HNRNPH1: variants seen among roughly 807,000 people sequenced by gnomAD.
The protein encoded by HNRNPH1 is heterogeneous nuclear ribonucleoprotein H1, also known as heterogeneous nuclear ribonucleoprotein H.
In HNRNPH1, 4 loss-of-function variants were observed where a neutral mutation model predicts 58.6. That is an observed-to-expected ratio of 0.07 (90% CI 0.03 to 0.16). The LOEUF is 0.16. Ranked by LOEUF, HNRNPH1 falls within the 10% of genes least tolerant of loss-of-function variation. HNRNPH1 has a pLI of 1.00. For missense variants in HNRNPH1, 271 were observed against 564.2 expected (o/e 0.48, Z 5.26); for synonymous variants, 192 against 189.2 (o/e 1.01, Z -0.12).
rs566219521 is a variant in HNRNPH1 at position 179,622,192 on chromosome 5, A to T, written c.98-795T>A. Among the ~76,000 whole-genome samples the T allele has an allele frequency of 2.6e-5, 4 of 152,242 alleles. No individual in the cohort carries two copies. The South Asian group carries it at 8.3e-4, about 32-fold the overall frequency. On this transcript the variant is annotated intron_variant, in intron 1 of 12. Coordinates refer to ENST00000356731, the Ensembl canonical transcript of HNRNPH1. ...TATAGTGAGCCAGATTAAGAACTAG[A>T]TAAGAAAACACTCTTCAATTATCAA...
chr5:179,628,691 G>A (rs59226042), upstream of HNRNPH1, among the ~76,000 whole-genome samples: 1,696 of 152,222 alleles, frequency 0.011, 36 homozygotes, highest in African/African-American at 0.037. Context: ...TGTACTCCTA[G>A]CTCTCTGGGA....
upstream of HNRNPH1, among the ~76,000 whole-genome samples, chr5:179,626,882 TCTC>T (rs1774450040): frequency 6.6e-6 from 1 of 150,608 alleles, no homozygotes; most frequent in South Asian, 2.1e-4. Flanking sequence ...TTCACACCAT[TCTC>T]CTGCCTCAGC....
intron 1 of HNRNPH1, chr5:179,621,966 C>T: frequency 2.2e-6 from 1 of 456,308 alleles, no homozygotes; most frequent in Non-Finnish European, 4.4e-6. Flanking sequence ...GGTCGCTTTC[C>T]GTTACCAACG....
chr5:179,615,319 G>A, intron 12 of HNRNPH1: 1 of 472,470 alleles, frequency 2.1e-6, no homozygotes. Context: ...TTCACAATGT[G>A]TCCCTCGAAT....
chr5:179,619,604 A>T (rs552067275), intron 3 of HNRNPH1, 197 bp from the exon 5 acceptor site: 3 of 476,978 alleles, frequency 6.3e-6, no homozygotes, highest in African/African-American at 1.9e-5. Context: ...TTCTTAACAC[A>T]CCCATGGTAC....
At chr5:179,623,110 T>C in exon 1 of HNRNPH1, 1 of 1,607,636 alleles carries the variant, frequency 6.2e-7, no homozygotes, top group Non-Finnish European at 8.5e-7. Context: ...CGAATCCCTC[T>C]CCACCTTCCG....
At chr5:179,621,858 T>C (rs1030983551) in intron 1 of HNRNPH1, 3 of 449,228 alleles carry the variant, frequency 6.7e-6, no homozygotes, top group Middle Eastern at 3.3e-4. Context: ...AGGGGATCAG[T>C]GTTACCAAGC....
intron 10 of HNRNPH1, chr5:179,616,432 C>T (rs768150191): frequency 1.7e-6 from 1 of 578,266 alleles, no homozygotes; most frequent in African/African-American, 1.9e-5. Context: ...TAACGGTACA[C>T]ACATCAGCAG....
At chr5:179,624,481 C>A (rs775627363) in exon 1 of HNRNPH1, 4 of 398,604 alleles carry the variant, frequency 1.0e-5, no homozygotes, top group Non-Finnish European at 1.8e-5. Context: ...GAGGAGGGAT[C>A]GCGAGCGCGG....
intron 10 of HNRNPH1, chr5:179,616,592 T>C (rs2127614037): frequency 3.9e-6 from 2 of 518,530 alleles, no homozygotes; most frequent in Non-Finnish European, 3.4e-6. Flanking sequence ...TAATCCTGTT[T>C]TGCTATTGAT....
At chr5:179,632,084 A>G (rs1027277787) in intron 2 of HNRNPH1, among the ~76,000 whole-genome samples, 1 of 151,602 alleles carries the variant, frequency 6.6e-6, no homozygotes, top group Non-Finnish European at 1.5e-5. Context: ...AGGCGGGCGG[A>G]TCACGAGGTC....
At chr5:179,624,312 C>T (rs1218348604) in exon 1 of HNRNPH1, 2 of 392,860 alleles carry the variant, frequency 5.1e-6, no homozygotes, top group Non-Finnish European at 9.0e-6. Context: ...TCCACTTCCC[C>T]TTACCTGCCG....
In HNRNPH1 at chr5:179,623,410, C is replaced by A. The variant is rs548019193; in HGVS notation, c.-277G>T. ...CGTAGAGGAAAGGAAATGGCGGCGGCCGCTTCCGCTCCGCCTCCTCCGACT... is the reference window on the plus strand; with the variant it reads ...CGTAGAGGAAAGGAAATGGCGGCGGACGCTTCCGCTCCGCCTCCTCCGACT... On this transcript the variant is annotated 5_prime_UTR_variant, in exon 1 of 13. Transcript: ENST00000356731. 8 of 256,600 alleles carry A rather than the reference C, an allele frequency of 3.1e-5. No homozygotes were observed. The South Asian group carries it at 3.6e-4, about 11-fold the overall frequency. The allele number at this position is 256,600 out of a possible 1,614,324, so 15.9% of individuals were successfully genotyped here. A position where few individuals can be genotyped will look rare whatever the true frequency, so the allele number is the denominator to read the frequency against.
chr5:179,632,519 G>A (rs1774928811), intron 2 of HNRNPH1, among the ~76,000 whole-genome samples: 1 of 152,302 alleles, frequency 6.6e-6, no homozygotes, highest in South Asian at 2.1e-4. Context: ...AACGAATTGT[G>A]GATTCAGACA....
intron 10 of HNRNPH1, 83 bp from the exon 12 acceptor site, chr5:179,616,301 T>C (rs1769619334): frequency 9.2e-7 from 1 of 1,091,194 alleles, no homozygotes; most frequent in Admixed American, 1.7e-5. Context: ...TCTATAGCTA[T>C]CATTTTCCAG....
chr5:179,619,300 G>C, exon 4 of HNRNPH1: 1 of 1,612,890 alleles, frequency 6.2e-7, no homozygotes, highest in East Asian at 2.2e-5. Context: ...TGTTTCTTTA[G>C]AGCCTTTTCA....
chr5:179,622,562 T>C (rs1294123925), intron 1 of HNRNPH1, among the ~76,000 whole-genome samples: 4 of 152,000 alleles, frequency 2.6e-5, no homozygotes, highest in African/African-American at 9.7e-5. Context: ...AATACAAAAA[T>C]TAGCCGGGCG....
At chr5:179,616,351 C>A in intron 10 of HNRNPH1, 133 bp from the exon 12 acceptor site, 1 of 743,894 alleles carries the variant, frequency 1.3e-6, no homozygotes, top group Non-Finnish European at 2.3e-6. Flanking sequence ...CCTCCTTCTG[C>A]CTACTGTCTA....
At position 179,615,817 on chromosome 5, in the gene HNRNPH1, A is replaced by G. The variant is rs568147067; in HGVS notation, c.1301-222T>C. The G allele has an allele frequency of 7.6e-6, 4 of 526,184 alleles. No individual in the cohort carries two copies. The South Asian group carries it at 9.0e-5, about 12-fold the overall frequency. The allele number at this position is 526,184 out of a possible 1,614,324, so 32.6% of individuals were successfully genotyped here. A position where few individuals can be genotyped will look rare whatever the true frequency, so the allele number is the denominator to read the frequency against. ...ACAACTTTATTTAATGTTTTAATAC[A>G]TGGAGGCAGATATTTTCTGGCTCGA... On this transcript the variant is annotated intron_variant, in intron 11 of 12. Transcript: ENST00000356731.
Sources: gnomAD v4.1 joint callset for allele counts (sites outside exome capture counted in the v4.1 genomes callset) on GRCh38, gnomAD v4.1.1 for gene constraint, MANE v1.5 for transcripts, NCBI Gene and HGNC (gene_info 2026-07-23, HGNC 2026-07-21) for gene names.